BCKDHB: variants seen among roughly 807,000 people sequenced by gnomAD.
BCKDHB encodes the protein branched chain keto acid dehydrogenase E1 subunit beta.
BCKDHB carries 41 observed loss-of-function variants against 48.5 expected under a neutral mutation model. The ratio of observed to expected loss-of-function variants is 0.85; its 90% confidence interval spans 0.66 to 1.10. The LOEUF is 1.10. Ranked by LOEUF, BCKDHB falls within the 50% of genes least tolerant of loss-of-function variation. The pLI is 0.00. For missense variants in BCKDHB, 496 were observed against 494.2 expected, an observed-to-expected ratio of 1.00 and a Z score of -0.03; for synonymous variants, 201 against 174.8, an observed-to-expected ratio of 1.15 and a Z score of -1.18.
Position 80,131,345 on chromosome 6 carries a change from GT to G in BCKDHB, c.343+2117del, listed in dbSNP as rs555555432. ...GCCTCCTAGTGCATTTCCTATTTTG[GT>G]GAATATATCACCATCCATTTAGTTA... On this transcript the variant is annotated intron_variant, in intron 3 of 9. Transcript: ENST00000320393. Among the ~76,000 whole-genome samples, 265 of 152,232 alleles carry G rather than the reference GT, an allele frequency of 1.7e-3. 1 individual carries two copies. Among genetic ancestry groups the G allele is most frequent in the African/African-American group, 6.0e-3 (251 of 41,542 alleles).
In BCKDHB at chr6:80,107,518, T is replaced by TATATATATGCGC. The variant is rs138189568; in HGVS notation, c.196+637_196+638insGCGCATATATAT. On this transcript the variant is annotated intron_variant, in intron 1 of 9. Transcript: ENST00000320393. ...ATATATGCATATATATGTGCGCATA[T>TATATATATGCGC]ATATATATATGCATATATATATATG... Among the ~76,000 whole-genome samples the TATATATATGCGC allele has an allele frequency of 8.0e-4, 97 of 121,670 alleles. 1 individual carries two copies. In the East Asian group the frequency reaches 0.011, roughly 14 times the overall value. 79.8% of individuals were successfully genotyped at this position (121,670 alleles called of 152,430 possible).
At chr6:80,242,171 T>A (rs570275275) in intron 8 of BCKDHB, among the ~76,000 whole-genome samples, 1 of 152,300 alleles carries the variant, frequency 6.6e-6, no homozygotes, top group African/African-American at 2.4e-5. Flanking sequence ...TGAATAGTTT[T>A]AAAGTTTTAC....
chr6:80,382,819 C>T, the BCKDHB span, among the ~76,000 whole-genome samples: 1 of 152,104 alleles, frequency 6.6e-6, no homozygotes, highest in Non-Finnish European at 1.5e-5. Flanking sequence ...TTTCTTTGTT[C>T]ATGAGTTTAT....
chr6:80,327,470 A>G (rs959439330), intron 9 of BCKDHB, among the ~76,000 whole-genome samples: 1 of 152,210 alleles, frequency 6.6e-6, no homozygotes, highest in Non-Finnish European at 1.5e-5. Flanking sequence ...TCACAATGTT[A>G]TAACAACATA....
At chr6:80,194,912 C>CT (rs1332018402) in intron 6 of BCKDHB, among the ~76,000 whole-genome samples, 1 of 152,156 alleles carries the variant, frequency 6.6e-6, no homozygotes, top group Non-Finnish European at 1.5e-5. Context: ...CCTTGTCATG[C>CT]TTATGGCTTG....
chr6:80,170,938 T>A lies in BCKDHB; in HGVS notation c.634-344T>A, dbSNP rs181309902. 7.2e-4 allele frequency among the ~76,000 whole-genome samples: 109 copies of A among 152,288 alleles called. No individual in the cohort carries two copies. In the Middle Eastern group the frequency reaches 0.01, roughly 14 times the overall value. On this transcript the variant is annotated intron_variant, in intron 5 of 9. Transcript: ENST00000320393. The stretch of plus-strand genomic sequence containing the variant: ...ATTATTAGTAGAAGAGATTTCTTCA[T>A]AGATAAACACAGGTAGATATTAACA...
chr6:80,413,349 G>A, the BCKDHB span, among the ~76,000 whole-genome samples: 1 of 151,986 alleles, frequency 6.6e-6, no homozygotes, highest in Non-Finnish European at 1.5e-5. Context: ...TTGTTATATA[G>A]GTAAACTTAT....
At chr6:80,177,337 A>G (rs1646546548) in intron 6 of BCKDHB, among the ~76,000 whole-genome samples, 1 of 151,906 alleles carries the variant, frequency 6.6e-6, no homozygotes. Flanking sequence ...GAAAAACAAC[A>G]GAAGGTTTAA....
chr6:80,362,539 G>A, the BCKDHB span, among the ~76,000 whole-genome samples: 16 of 152,084 alleles, frequency 1.1e-4, no homozygotes, highest in African/African-American at 3.9e-4. Flanking sequence ...CTTCTCTGGG[G>A]GACTCATAGA....
the BCKDHB span, among the ~76,000 whole-genome samples, chr6:80,407,073 T>A: frequency 6.6e-6 from 1 of 152,232 alleles, no homozygotes; most frequent in Non-Finnish European, 1.5e-5. Flanking sequence ...TTTCTACATA[T>A]GGCTAGCCAG....
rs1462479611 is a variant in BCKDHB at position 80,344,562 on chromosome 6, G to A, written c.*758G>A. 1.3e-5 allele frequency: 2 copies of A among 151,388 alleles called. No individual in the cohort carries two copies. The highest frequency in any genetic ancestry group is 2.4e-5 in the African/African-American group (1 of 41,006). 9.4% of individuals were successfully genotyped at this position (151,388 alleles called of 1,614,324 possible). ...GGGTTTCACCATGTTGGCCAGGATGGTCTCGATCTCTTGACCTTGTGTTCC... is the reference window on the plus strand; with the variant it reads ...GGGTTTCACCATGTTGGCCAGGATGATCTCGATCTCTTGACCTTGTGTTCC... On this transcript the variant is annotated 3_prime_UTR_variant, in exon 10 of 10. Transcript: ENST00000320393.
At chr6:80,400,378 C>T in the BCKDHB span, among the ~76,000 whole-genome samples, 54,926 of 151,644 alleles carry the variant, frequency 0.36, 11,764 homozygotes, top group East Asian at 0.71. Context: ...CAAAAAACAC[C>T]GAAAAAACCA....
chr6:80,242,042 G>A (rs373656950), intron 8 of BCKDHB, among the ~76,000 whole-genome samples: 15 of 151,996 alleles, frequency 9.9e-5, no homozygotes, highest in South Asian at 2.1e-4. Context: ...TTTGATGCAC[G>A]GAAGTTTTAA....
chr6:80,445,550 G>A, the BCKDHB span, among the ~76,000 whole-genome samples: 1 of 152,092 alleles, frequency 6.6e-6, no homozygotes, highest in Non-Finnish European at 1.5e-5. Flanking sequence ...AAATATATCT[G>A]TATCTATTAT....
the BCKDHB span, among the ~76,000 whole-genome samples, chr6:80,368,328 A>G: frequency 1.1e-4 from 16 of 152,188 alleles, no homozygotes; most frequent in African/African-American, 3.4e-4. Flanking sequence ...AGCTGATCAC[A>G]TGGTAGTTGC....
At chr6:80,463,946 C>T in the BCKDHB span, among the ~76,000 whole-genome samples, 1 of 152,080 alleles carries the variant, frequency 6.6e-6, no homozygotes, top group African/African-American at 2.4e-5. Flanking sequence ...CCCTTGGGCT[C>T]ATTCCTCCTA....
At chr6:80,454,885 T>G in the BCKDHB span, among the ~76,000 whole-genome samples, 1 of 152,352 alleles carries the variant, frequency 6.6e-6, no homozygotes, top group African/African-American at 2.4e-5. Flanking sequence ...CATTGTGGTT[T>G]GAACTTTCCC....
the BCKDHB span, chr6:80,440,868 G>A: frequency 6.6e-6 from 1 of 152,050 alleles, no homozygotes; most frequent in African/African-American, 2.4e-5. Context: ...TTTGTTTGAT[G>A]GCTTTCTAAT....
chr6:80,138,562 C>G (rs565006402), intron 3 of BCKDHB, among the ~76,000 whole-genome samples: 1 of 151,848 alleles, frequency 6.6e-6, no homozygotes, highest in Non-Finnish European at 1.5e-5. Context: ...TTTGTTCTTG[C>G]GATAGTTTAC....
Sources: allele counts gnomAD v4.1 joint callset (sites outside exome capture counted in the v4.1 genomes callset), GRCh38; gene constraint gnomAD v4.1.1; transcripts MANE v1.5; gene names NCBI Gene and HGNC (gene_info 2026-07-23, HGNC 2026-07-21).